TAFA5: variants seen among roughly 807,000 people sequenced by gnomAD.
TAFA5 encodes TAFA chemokine like family member 5, also known as chemokine-like protein TAFA-5.
In TAFA5, 6 loss-of-function variants were observed where a neutral mutation model predicts 15.3. The observed-to-expected ratio is 0.39, with a 90% CI of 0.21 to 0.77. The LOEUF is 0.77. TAFA5 is among the 30% of genes least tolerant of loss of function. The probability of loss-of-function intolerance (pLI) is 0.41; values close to 1 mark genes in which losing one functional copy is unlikely to be tolerated. For missense variants in TAFA5, 161 were observed against 193.1 expected (o/e 0.83, Z 0.98); for synonymous variants, 103 against 80.7 (o/e 1.28, Z -1.48).
intron 1 of TAFA5, among the ~76,000 whole-genome samples, chr22:48,536,243 G>A (rs757365496): frequency 2.6e-5 from 4 of 152,248 alleles, no homozygotes; most frequent in African/African-American, 7.2e-5. Context: ...TACCGTCCCC[G>A]GCTCAAGGCA....
chr22:48,532,485 G>T (rs2147113539), intron 1 of TAFA5, among the ~76,000 whole-genome samples: 1 of 152,322 alleles, frequency 6.6e-6, no homozygotes, highest in African/African-American at 2.4e-5. Flanking sequence ...TAGTCTCTTT[G>T]TGTATTTTGG....
intron 2 of TAFA5, among the ~76,000 whole-genome samples, chr22:48,666,980 G>A (rs764975643): frequency 9.9e-5 from 15 of 152,128 alleles, no homozygotes; most frequent in South Asian, 2.1e-4. Flanking sequence ...CAGCTGCATA[G>A]GTGATTTCCA....
Position 48,490,121 on chromosome 22 carries a change from C to T in TAFA5, c.112+417C>T, listed in dbSNP as rs914529184. Among the ~76,000 whole-genome samples, 6 of 152,042 alleles carry T rather than the reference C, an allele frequency of 3.9e-5. No homozygotes were observed. The highest frequency in any genetic ancestry group is 7.4e-5 in the Non-Finnish European group (5 of 67,984). On this transcript the variant is annotated intron_variant, in intron 1 of 3. Coordinates refer to ENST00000402357, the MANE Select transcript of TAFA5 (RefSeq NM_001082967.3). This position sits in a 1 kb window ranked among gnomAD's most constrained non-coding sequence, Gnocchi z 5.8. ...GGAGCGCCCTCCCCGTGCCTCAGCC[C>T]GGGACAAGGGGGGAGGCGGCGGCCG... is the stretch of plus-strand genomic sequence containing the variant.
At chr22:48,607,108 G>C (rs1925219282) in intron 1 of TAFA5, among the ~76,000 whole-genome samples, 1 of 152,252 alleles carries the variant, frequency 6.6e-6, no homozygotes, top group African/African-American at 2.4e-5. Context: ...CCTGCAGGCA[G>C]GGCCCGGTCC....
intron 3 of TAFA5, among the ~76,000 whole-genome samples, chr22:48,715,510 C>T (rs1302688828): frequency 6.6e-6 from 1 of 152,242 alleles, no homozygotes; most frequent in Non-Finnish European, 1.5e-5. Context: ...GGGCCTCCAT[C>T]TTCCTCCTCT....
intron 1 of TAFA5, among the ~76,000 whole-genome samples, chr22:48,617,251 G>T (rs1412773483): frequency 1.7e-5 from 2 of 116,078 alleles, no homozygotes; most frequent in African/African-American, 5.7e-5. Flanking sequence ...GGCAAAAGGG[G>T]CATGAGGACA....
intron 2 of TAFA5, among the ~76,000 whole-genome samples, chr22:48,686,081 G>A (rs887498926): frequency 1.3e-5 from 2 of 152,190 alleles, no homozygotes; most frequent in African/African-American, 2.4e-5. Flanking sequence ...AGTGGGGTCA[G>A]CACAGGTGGC....
chr22:48,650,258 T>A (rs1927006306), intron 2 of TAFA5, among the ~76,000 whole-genome samples: 1 of 152,222 alleles, frequency 6.6e-6, no homozygotes, highest in Non-Finnish European at 1.5e-5. Flanking sequence ...GCGCTCGGAA[T>A]GCCGGAGCAA....
At chr22:48,694,514 G>A (rs992439361) in intron 2 of TAFA5, among the ~76,000 whole-genome samples, 1 of 152,132 alleles carries the variant, frequency 6.6e-6, no homozygotes, top group Non-Finnish European at 1.5e-5. Flanking sequence ...CCCAGCCAGT[G>A]CTCTGGGCCT....
chr22:48,646,212 G>A (rs924686651), intron 1 of TAFA5, among the ~76,000 whole-genome samples: 2 of 152,186 alleles, frequency 1.3e-5, no homozygotes, highest in African/African-American at 2.4e-5. Flanking sequence ...CAAGCACTGT[G>A]CCTCGTACAG....
At chr22:48,512,780 G>A (rs1020121005) in intron 1 of TAFA5, among the ~76,000 whole-genome samples, 4 of 151,872 alleles carry the variant, frequency 2.6e-5, no homozygotes, top group Admixed American at 6.6e-5. Context: ...AAAATTACCC[G>A]GGGGTGGTGG....
chr22:48,611,623 G>A (rs568786531), intron 1 of TAFA5, among the ~76,000 whole-genome samples: 1 of 152,168 alleles, frequency 6.6e-6, no homozygotes, highest in Admixed American at 6.5e-5. Flanking sequence ...GACCTTCAGA[G>A]ATGTCGCCCC....
At chr22:48,542,106 G>T (rs1363356371) in intron 1 of TAFA5, among the ~76,000 whole-genome samples, 2 of 43,058 alleles carry the variant, frequency 4.6e-5, no homozygotes, top group Non-Finnish European at 2.0e-4. Context: ...ATGTGTGTGT[G>T]GTGTGTGTGT....
chr22:48,708,088 G>C (rs1165292483), intron 3 of TAFA5, among the ~76,000 whole-genome samples: 2 of 152,198 alleles, frequency 1.3e-5, no homozygotes, highest in Non-Finnish European at 2.9e-5. Flanking sequence ...CCAGCTGCAA[G>C]GCTGGTCAGC....
At chr22:48,641,538 TCCCTCCCCTCGCACACGATG>T (rs936091839) in intron 1 of TAFA5, among the ~76,000 whole-genome samples, 1 of 136,276 alleles carries the variant, frequency 7.3e-6, no homozygotes, top group African/African-American at 2.8e-5. Flanking sequence ...CCCACTGCAC[TCCCTCCCCTCGCACACGATG>T]CCCTCCCCTT....
intron 2 of TAFA5, among the ~76,000 whole-genome samples, chr22:48,703,866 C>T (rs970927788): frequency 3.0e-4 from 46 of 152,238 alleles, no homozygotes; most frequent in African/African-American, 1.1e-3. Flanking sequence ...CCAGGCCCTG[C>T]CCTGTGCTGC....
chr22:48,605,202 T>G (rs925866540), intron 1 of TAFA5, among the ~76,000 whole-genome samples: 1 of 138,666 alleles, frequency 7.2e-6, no homozygotes, highest in Non-Finnish European at 1.6e-5. Flanking sequence ...GTAATGGTGA[T>G]GATGGTGGTG....
intron 1 of TAFA5, among the ~76,000 whole-genome samples, chr22:48,555,024 CAA>C (rs1162075860): frequency 6.6e-6 from 1 of 152,190 alleles, no homozygotes; most frequent in Non-Finnish European, 1.5e-5. Flanking sequence ...ATGGTGGAGA[CAA>C]GAGAAGGCTG....
chr22:48,689,830 T>A (rs1419068367), intron 2 of TAFA5, among the ~76,000 whole-genome samples: 1 of 152,188 alleles, frequency 6.6e-6, no homozygotes, highest in Non-Finnish European at 1.5e-5. Flanking sequence ...TGCACCACCC[T>A]CTTTCCTGTC....
Sources: gnomAD v4.1 joint callset for allele counts (sites outside exome capture counted in the v4.1 genomes callset) on GRCh38, gnomAD v4.1.1 for gene constraint, Gnocchi (gnomAD v3.1) non-coding constraint, MANE v1.5 for transcripts, NCBI Gene and HGNC (gene_info 2026-07-23, HGNC 2026-07-21) for gene names.